Variants in RORA observed in about 807,000 individuals in gnomAD.
The protein encoded by RORA is nuclear receptor ROR-alpha.
In RORA, 7 loss-of-function variants were observed where a neutral mutation model predicts 69.5. The ratio of observed to expected loss-of-function variants is 0.10; its 90% CI spans 0.06 to 0.19. The LOEUF is 0.19. RORA is among the 10% of genes least tolerant of loss of function. The probability of loss-of-function intolerance (pLI) is 1.00; values close to 1 mark genes in which losing one functional copy is unlikely to be tolerated. For missense variants in RORA, 457 were observed against 663.0 expected, an observed-to-expected ratio of 0.69 and a Z score of 3.41; for synonymous variants, 261 against 240.8, an observed-to-expected ratio of 1.08 and a Z score of -0.78.
intron 1 of RORA, among the ~76,000 whole-genome samples, chr15:61,168,316 C>T (rs1388483691): frequency 2.6e-5 from 4 of 152,042 alleles, no homozygotes; most frequent in Admixed American, 6.5e-5. Flanking sequence ...GCAACCTCCA[C>T]CTTCTGGGTT....
chr15:60,900,974 T>C (rs1237391918), intron 1 of RORA, among the ~76,000 whole-genome samples: 1 of 152,194 alleles, frequency 6.6e-6, no homozygotes, highest in Non-Finnish European at 1.5e-5. Context: ...CCCTGACACA[T>C]ACTACTTCCT....
intron 1 of RORA, among the ~76,000 whole-genome samples, chr15:61,181,677 T>C (rs2079687142): frequency 7.8e-6 from 1 of 127,756 alleles, no homozygotes. Flanking sequence ...GGATTAGCTT[T>C]GGCAAAAAAA....
intron 1 of RORA, among the ~76,000 whole-genome samples, chr15:61,151,931 G>A (rs1181369211): frequency 6.6e-6 from 1 of 152,108 alleles, no homozygotes; most frequent in East Asian, 1.9e-4. Flanking sequence ...CACTCGCCAG[G>A]CCCATATCAC....
At chr15:60,945,720 C>T (rs2140327819) in intron 1 of RORA, among the ~76,000 whole-genome samples, 1 of 152,138 alleles carries the variant, frequency 6.6e-6, no homozygotes, top group Non-Finnish European at 1.5e-5. Context: ...TTTGGCAAAC[C>T]CAAGGCAACT....
In RORA at chr15:60,514,743, TCTC is replaced by T; in HGVS notation, c.294_296del (p.Arg99del). 6.2e-7 allele frequency: 1 copy of T among 1,613,826 alleles called. No homozygotes were observed. The highest frequency in any genetic ancestry group is 8.5e-7 in the Non-Finnish European group (1 of 1,179,830). On this transcript the variant is annotated inframe_deletion, in exon 4 of 11. Coordinates refer to ENST00000335670, the MANE Select transcript of RORA (RefSeq NM_134261.3). The stretch of plus-strand genomic sequence containing the variant: ...AGTAGGTGGCATTGCTTTGCTGACT[TCTC>T]CTGAAAAAGCCCTGTGATATGGTTA...
chr15:60,626,306 T>C (rs1412687279), intron 2 of RORA, among the ~76,000 whole-genome samples: 1 of 152,152 alleles, frequency 6.6e-6, no homozygotes, highest in Non-Finnish European at 1.5e-5. Flanking sequence ...GATTAGGGCC[T>C]CCACTGGGCT....
intron 2 of RORA, among the ~76,000 whole-genome samples, chr15:60,570,024 A>G (rs1434080240): frequency 6.6e-6 from 1 of 152,222 alleles, no homozygotes; most frequent in Admixed American, 6.5e-5. Flanking sequence ...GAAAAACGAG[A>G]GAAAAGTAAG....
At chr15:61,089,133 A>G (rs1026492078) in intron 1 of RORA, among the ~76,000 whole-genome samples, 13 of 152,224 alleles carry the variant, frequency 8.5e-5, no homozygotes, top group Admixed American at 6.5e-4. Flanking sequence ...AGTTTCTTTC[A>G]AGATAAATGA....
In RORA at chr15:61,061,070, A is replaced by C. The variant is rs1328356603; in HGVS notation, c.166+167983T>G. Among the ~76,000 whole-genome samples the C allele has an allele frequency of 1.3e-5, 2 of 152,148 alleles. No homozygotes were observed. Among genetic ancestry groups the C allele is most frequent in the Non-Finnish European group, 2.9e-5 (2 of 68,026 alleles). On this transcript the variant is annotated intron_variant, in intron 1 of 10. Transcript: ENST00000335670. This position sits in a 1 kb window ranked among gnomAD's most constrained non-coding sequence, Gnocchi z 4.4. Reference sequence around the variant, plus strand: ...GAATTTGGCATTAAAGGGCATTGCAAGGGCTGGGCGCGGTGGCTCGTGCCT... The same window carrying C: ...GAATTTGGCATTAAAGGGCATTGCACGGGCTGGGCGCGGTGGCTCGTGCCT...
chr15:60,682,793 A>G (rs2070664514), intron 1 of RORA, among the ~76,000 whole-genome samples: 3 of 152,128 alleles, frequency 2.0e-5, no homozygotes, highest in Admixed American at 1.3e-4. Context: ...GAACACCAAG[A>G]TCCTTCCCCA....
intron 1 of RORA, among the ~76,000 whole-genome samples, chr15:61,081,820 AAAAG>A (rs1389685828): frequency 2.0e-5 from 3 of 151,912 alleles, no homozygotes; most frequent in East Asian, 1.9e-4. Flanking sequence ...AAAAAAAAAA[AAAAG>A]AAAGAAAGAA....
At position 60,488,681 on chromosome 15, in the gene RORA, AT is replaced by A. The variant is rs542562165; in HGVS notation, c.*8773del. 64 of 152,328 alleles carry A rather than the reference AT, an allele frequency of 4.2e-4. 1 individual carries two copies. The highest frequency in any genetic ancestry group is 1.5e-3 in the African/African-American group (64 of 41,562). 9.4% of individuals were successfully genotyped at this position (152,328 alleles called of 1,614,324 possible). On this transcript the variant is annotated 3_prime_UTR_variant, in exon 11 of 11. Coordinates refer to ENST00000335670, the MANE Select transcript of RORA (RefSeq NM_134261.3). ...TTTAGGATTCCCATAAATGGCTTGCATTTTTAGTGTGGCAGAAAAGGAGTTT... is the reference window on the plus strand; with the variant it reads ...TTTAGGATTCCCATAAATGGCTTGCATTTTAGTGTGGCAGAAAAGGAGTTT...
At chr15:60,863,807 C>CT (rs71122881) in intron 1 of RORA, among the ~76,000 whole-genome samples, 17 of 135,130 alleles carry the variant, frequency 1.3e-4, no homozygotes, top group African/African-American at 2.7e-4. Context: ...CTGTCAGAAT[C>CT]TTTTTTTTTT....
chr15:60,818,303 TTTTA>T (rs1232987899), intron 1 of RORA, among the ~76,000 whole-genome samples: 1 of 152,192 alleles, frequency 6.6e-6, no homozygotes, highest in African/African-American at 2.4e-5. Context: ...CATCCTTAAA[TTTTA>T]TTTTTCAGGA....
Position 61,200,703 on chromosome 15 carries a change from C to T in RORA, c.166+28350G>A, listed in dbSNP as rs151076281. 4.3e-4 allele frequency among the ~76,000 whole-genome samples: 65 copies of T among 152,222 alleles called. No individual in the cohort carries two copies. In the Middle Eastern group the frequency reaches 0.02, roughly 48 times the overall value. ...AAACTTTATCAACATCGGAGACGGCCGTGATTTGCATCAAGTTCAATGCTG... is the reference window on the plus strand; with the variant it reads ...AAACTTTATCAACATCGGAGACGGCTGTGATTTGCATCAAGTTCAATGCTG... On this transcript the variant is annotated intron_variant, in intron 1 of 10. Coordinates refer to ENST00000335670, the MANE Select transcript of RORA (RefSeq NM_134261.3).
intron 1 of RORA, among the ~76,000 whole-genome samples, chr15:60,954,441 A>T (rs987127512): frequency 3.5e-5 from 4 of 112,926 alleles, no homozygotes; most frequent in Admixed American, 8.5e-5. Flanking sequence ...TTAAAGTATA[A>T]AAAAAAAAAA....
At chr15:61,194,456 G>C (rs565458368) in intron 1 of RORA, among the ~76,000 whole-genome samples, 4 of 151,394 alleles carry the variant, frequency 2.6e-5, no homozygotes. Context: ...CCAGCTACTC[G>C]GGAGGCTGAG....
intron 2 of RORA, among the ~76,000 whole-genome samples, chr15:60,653,387 G>T (rs1017840155): frequency 2.4e-4 from 37 of 151,902 alleles, no homozygotes; most frequent in African/African-American, 8.5e-4. Flanking sequence ...AGTGTCTTCT[G>T]TTTGGCCAAA....
intron 1 of RORA, among the ~76,000 whole-genome samples, chr15:61,059,850 A>G (rs991700035): frequency 3.9e-5 from 6 of 152,002 alleles, no homozygotes; most frequent in Non-Finnish European, 8.8e-5. Context: ...TAATAAAATA[A>G]TTCTTAAAAT....
Sources: gnomAD v4.1 joint callset for allele counts (sites outside exome capture counted in the v4.1 genomes callset) on GRCh38, gnomAD v4.1.1 for gene constraint, Gnocchi (gnomAD v3.1) non-coding constraint, MANE v1.5 for transcripts, NCBI Gene and HGNC (gene_info 2026-07-23, HGNC 2026-07-21) for gene names.